The following MTUS1 variants were observed in gnomAD, a reference collection of about 807,000 sequenced individuals.
The protein encoded by MTUS1 is microtubule associated scaffold protein 1, also known as microtubule-associated tumor suppressor 1.
A neutral mutation model predicts 120.8 loss-of-function variants in MTUS1; 109 were observed. The observed-to-expected ratio is 0.90, with a 90% confidence interval of 0.77 to 1.06. MTUS1 has a LOEUF of 1.06. Ranked by LOEUF, MTUS1 falls within the 50% of genes least tolerant of loss-of-function variation. The pLI is 0.00. For synonymous variants in MTUS1, 737 were observed against 550.5 expected, an observed-to-expected ratio of 1.34 and a Z score of -4.74; for missense variants, 2,210 against 1,486.3, an observed-to-expected ratio of 1.49 and a Z score of -8.01.
intron 1 of MTUS1, among the ~76,000 whole-genome samples, chr8:17,765,392 G>T (rs528771945): frequency 6.6e-6 from 1 of 152,082 alleles, no homozygotes; most frequent in African/African-American, 2.4e-5. Flanking sequence ...ACTTTGGGAG[G>T]CCGAGGCAGG....
rs1041735751 is a variant in MTUS1, at chr8:17,655,725, T to A, written c.3108+138A>T. 11 of 755,998 alleles carry A rather than the reference T, an allele frequency of 1.5e-5. No homozygotes were observed. The East Asian group carries it at 2.9e-4, about 20-fold the overall frequency. The allele number at this position is 755,998 out of a possible 1,614,324, so 46.8% of individuals were successfully genotyped here. On this transcript the variant is annotated intron_variant, in intron 9 of 14. Coordinates refer to ENST00000693296, the MANE Select transcript of MTUS1 (RefSeq NM_001363059.2). Reference sequence around the variant, plus strand: ...CAGCCTGGGAGACAGAGTGGGACTCTGTCTTAAATAAACAACAACAACATG... The same window carrying A: ...CAGCCTGGGAGACAGAGTGGGACTCAGTCTTAAATAAACAACAACAACATG...
chr8:17,756,013 C>A (rs765587844), intron 1 of MTUS1, 52 bp from the exon 2 acceptor site: 10 of 1,209,194 alleles, frequency 8.3e-6, no homozygotes, highest in Non-Finnish European at 9.8e-6. Flanking sequence ...AATTAACAGG[C>A]CACCCCTTGG....
At chr8:17,749,663 A>AG (rs2048036496) in intron 2 of MTUS1, among the ~76,000 whole-genome samples, 2 of 128,472 alleles carry the variant, frequency 1.6e-5, no homozygotes, top group African/African-American at 5.2e-5. Context: ...CTGTCTCAAA[A>AG]AAAAAAAAAA....
intron 1 of MTUS1, among the ~76,000 whole-genome samples, chr8:17,764,174 T>A (rs985769933): frequency 5.9e-5 from 9 of 152,174 alleles, no homozygotes; most frequent in African/African-American, 2.2e-4. Flanking sequence ...GTCATTTTAG[T>A]CATCTTTTGT....
At chr8:17,736,603 G>A (rs1165507404) in intron 3 of MTUS1, among the ~76,000 whole-genome samples, 2 of 150,448 alleles carry the variant, frequency 1.3e-5, no homozygotes, top group East Asian at 1.9e-4. Flanking sequence ...TGTTTTTTTT[G>A]AGATGGGGTC....
chr8:17,704,540 T>C (rs1183106545), intron 6 of MTUS1, among the ~76,000 whole-genome samples: 1 of 152,198 alleles, frequency 6.6e-6, no homozygotes, highest in East Asian at 1.9e-4. Flanking sequence ...CCTTTCCCTA[T>C]TGTGTATTCT....
chr8:17,668,126 G>T (rs1563167230), intron 8 of MTUS1, among the ~76,000 whole-genome samples: 1 of 152,160 alleles, frequency 6.6e-6, no homozygotes, highest in Non-Finnish European at 1.5e-5. Flanking sequence ...GATCAAGCTT[G>T]TCCAACTCAC....
intron 10 of MTUS1, chr8:17,654,149 A>T (rs1807674840): frequency 5.4e-6 from 1 of 186,430 alleles, no homozygotes; most frequent in Admixed American, 5.4e-5. Context: ...TGACAGATGA[A>T]AAATAGAAAA....
chr8:17,748,148 A>C (rs1296357033), intron 2 of MTUS1: 1 of 152,116 alleles, frequency 6.6e-6, no homozygotes, highest in Non-Finnish European at 1.5e-5. Flanking sequence ...GAACACACCC[A>C]ATCTCGCCTG....
intron 7 of MTUS1, chr8:17,676,224 G>A: frequency 1.4e-6 from 1 of 702,878 alleles, no homozygotes; most frequent in Non-Finnish European, 2.6e-6. Context: ...GACAGCCTCT[G>A]CAGTAGTCCT....
In MTUS1 at chr8:17,754,225, G is replaced by A. The variant is rs1323900427; in HGVS notation, c.1583C>T (p.Ser528Leu). ...AVLQPKDAALSKVTPRPQQTS... is the reference protein window; with the variant it reads ...AVLQPKDAALLKVTPRPQQTS... ...CTGCTGAGGTCTGGGCGTGACCTTT[G>A]ATAAAGCAGCATCTTTGGGCTGCAA... The change falls in exon 2 of 15, where the codon TCA (serine) becomes TTA (leucine). Residue 528 changes from serine to leucine, a missense_variant. Ser to Leu is a moderately radical substitution (Grantham distance 145, BLOSUM62 -2). Transcript: ENST00000693296. The A allele has an allele frequency of 6.2e-7, 1 of 1,614,122 alleles. No homozygotes were observed. Among genetic ancestry groups the A allele is most frequent in the Non-Finnish European group, 8.5e-7 (1 of 1,180,036 alleles).
intron 1 of MTUS1, among the ~76,000 whole-genome samples, chr8:17,789,313 C>A (rs950481972): frequency 6.6e-6 from 1 of 152,144 alleles, no homozygotes; most frequent in African/African-American, 2.4e-5. Flanking sequence ...TTACAGGTGT[C>A]AGCCACTGCC....
Position 17,754,627 on chromosome 8 carries a change from T to A in MTUS1, c.1181A>T (p.Glu394Val), listed in dbSNP as rs2048458867. ...KDLGTQNHTS[E>V]LILSSPPGQK... is the part of the protein sequence containing the mutation. ...TCCTGGCGGGCTACTTAGAATCAAT[T>A]CTGAGGTATGATTTTGGGTTCCCAA... The change falls in exon 2 of 15, where the codon GAA (glutamate) becomes GTA (valine). Residue 394 changes from glutamate to valine, a missense_variant. Coordinates refer to ENST00000693296, the MANE Select transcript of MTUS1 (RefSeq NM_001363059.2). 6.2e-7 allele frequency: 1 copy of A among 1,614,054 alleles called. No homozygotes were observed. Among genetic ancestry groups the A allele is most frequent in the African/African-American group, 1.3e-5 (1 of 74,918 alleles).
chr8:17,672,619 C>A (rs1812256596), intron 8 of MTUS1, among the ~76,000 whole-genome samples: 1 of 152,226 alleles, frequency 6.6e-6, no homozygotes, highest in African/African-American at 2.4e-5. Flanking sequence ...CGCTTCCCTC[C>A]ACTTACAGAA....
chr8:17,767,047 C>A (rs1178101142), intron 1 of MTUS1, among the ~76,000 whole-genome samples: 1 of 152,022 alleles, frequency 6.6e-6, no homozygotes, highest in Non-Finnish European at 1.5e-5. Context: ...TTCCTGTTAT[C>A]ATCACATAGT....
chr8:17,755,093 G>A lies in MTUS1; in HGVS notation c.715C>T (p.Gln239Ter), dbSNP rs867947966. 2 of 1,613,706 alleles carry A rather than the reference G, an allele frequency of 1.2e-6. No individual in the cohort carries two copies. The highest frequency in any genetic ancestry group is 2.7e-5 in the African/African-American group (2 of 74,918). ...ENPQVTPSEA[Q>*]DMTYTAFSDV... ...GAAAATGCTGTGTAAGTCATGTCTT[G>A]GGCTTCTGATGGTGTGACTTGAGGG... Residue 239 changes from glutamine (Q) to a stop codon, truncating the protein, a stop_gained, in exon 2 of 15, where the codon CAA becomes TAA. Coordinates refer to ENST00000693296, the MANE Select transcript of MTUS1 (RefSeq NM_001363059.2). LOFTEE classifies it high-confidence loss of function.
In MTUS1 at chr8:17,711,540, G is replaced by A. The variant is rs561831695; in HGVS notation, c.2623+1674C>T. 7.2e-5 allele frequency among the ~76,000 whole-genome samples: 11 copies of A among 152,208 alleles called. No individual in the cohort carries two copies. The East Asian group carries it at 1.4e-3, about 19-fold the overall frequency. On this transcript the variant is annotated intron_variant, in intron 6 of 14. Transcript: ENST00000693296. ...TCTCACTCTGGATTAGGCTTTGGCCGAAGTGAAAGTTGCAGCTGGCTTAAT... is the reference window on the plus strand; with the variant it reads ...TCTCACTCTGGATTAGGCTTTGGCCAAAGTGAAAGTTGCAGCTGGCTTAAT...
intron 3 of MTUS1, among the ~76,000 whole-genome samples, chr8:17,726,406 C>A (rs1433453563): frequency 6.6e-6 from 1 of 152,172 alleles, no homozygotes; most frequent in African/African-American, 2.4e-5. Context: ...CTTGGACCAT[C>A]TCTAAGGTTC....
At chr8:17,675,023 G>A in intron 8 of MTUS1, 163 bp downstream of exon 8, 1 of 1,422,646 alleles carries the variant, frequency 7.0e-7, no homozygotes, top group Non-Finnish European at 9.2e-7. Flanking sequence ...AAGCTGCCAA[G>A]ATTCAAAAGA....
Sources: gnomAD v4.1 joint callset for allele counts (sites outside exome capture counted in the v4.1 genomes callset) on GRCh38, gnomAD v4.1.1 for gene constraint, MANE v1.5 for transcripts, NCBI Gene and HGNC (gene_info 2026-07-23, HGNC 2026-07-21) for gene names.